Variants in CTNND2 observed in about 807,000 individuals in gnomAD.
The protein encoded by CTNND2 is catenin delta 2.
In CTNND2, 22 loss-of-function variants were observed where a neutral mutation model predicts 144.4. That is an observed-to-expected ratio of 0.15 (90% CI 0.11 to 0.22). The LOEUF (loss-of-function observed/expected upper bound fraction) is 0.22. Ranked by LOEUF, CTNND2 falls within the 10% of genes least tolerant of loss-of-function variation. CTNND2 has a pLI of 1.00. For missense variants in CTNND2, 1,353 were observed against 1,618.8 expected, an observed-to-expected ratio of 0.84 and a Z score of 2.82; for synonymous variants, 751 against 695.6, an observed-to-expected ratio of 1.08 and a Z score of -1.25.
chr5:11,543,225 T>C (rs755185871), intron 3 of CTNND2, among the ~76,000 whole-genome samples: 3 of 152,244 alleles, frequency 2.0e-5, no homozygotes, highest in Non-Finnish European at 2.9e-5. Flanking sequence ...GTCCAGGCTC[T>C]GCTACACTTC....
chr5:11,342,531 T>A (rs32130), intron 9 of CTNND2, among the ~76,000 whole-genome samples: 43,404 of 152,134 alleles, frequency 0.29, 6,439 homozygotes, highest in Admixed American at 0.35. Flanking sequence ...TCTTTAAGCA[T>A]GTTTGAAAAA....
At chr5:11,524,166 C>T (rs1231254040) in intron 3 of CTNND2, among the ~76,000 whole-genome samples, 1 of 152,060 alleles carries the variant, frequency 6.6e-6, no homozygotes, top group Non-Finnish European at 1.5e-5. Flanking sequence ...TCACTGCACC[C>T]CACACTTGCC....
intron 19 of CTNND2, among the ~76,000 whole-genome samples, chr5:10,990,522 C>T (rs977758402): frequency 1.3e-5 from 2 of 152,174 alleles, no homozygotes; most frequent in African/African-American, 4.8e-5. Flanking sequence ...CCTTTTGCCT[C>T]TGGGTCTTCC....
chr5:11,101,787 A>G (rs1428113652), intron 14 of CTNND2, among the ~76,000 whole-genome samples: 2 of 152,180 alleles, frequency 1.3e-5, no homozygotes, highest in Non-Finnish European at 2.9e-5. Context: ...AGAATTTTCT[A>G]TATAATAAAG....
chr5:11,765,398 C>A (rs925548667), intron 1 of CTNND2, among the ~76,000 whole-genome samples: 3 of 152,088 alleles, frequency 2.0e-5, no homozygotes, highest in African/African-American at 7.2e-5. Context: ...AGGTTCCAGG[C>A]TGCCAGGTGG....
At chr5:11,157,873 G>C (rs984087326) in intron 12 of CTNND2, among the ~76,000 whole-genome samples, 7 of 152,150 alleles carry the variant, frequency 4.6e-5, no homozygotes, top group Admixed American at 1.3e-4. Context: ...GACAGGGATG[G>C]GGAGTCATTC....
Position 11,367,253 on chromosome 5 carries a change from G to A in CTNND2, c.1178-2363C>T, listed in dbSNP as rs761063665. ...ATCAAGTTTTGATTGCTCAAGGGTG[G>A]GCACAGTTATTGGCAAGAGAGACAC... is the stretch of plus-strand genomic sequence containing the variant. On this transcript the variant is annotated intron_variant, in intron 7 of 21. Coordinates refer to ENST00000304623, the MANE Select transcript of CTNND2 (RefSeq NM_001332.4). Among the ~76,000 whole-genome samples the A allele has an allele frequency of 5.0e-4, 76 of 152,190 alleles. 1 individual carries two copies. Among genetic ancestry groups the A allele is most frequent in the South Asian group, 1.0e-3 (5 of 4,818 alleles).
intron 3 of CTNND2, among the ~76,000 whole-genome samples, chr5:11,514,249 C>CAT (rs1222993172): frequency 1.7e-4 from 26 of 151,804 alleles, no homozygotes; most frequent in Non-Finnish European, 2.8e-4. Flanking sequence ...TCAATATACA[C>CAT]ATATATATAT....
intron 1 of CTNND2, among the ~76,000 whole-genome samples, chr5:11,802,730 T>C (rs548165844): frequency 6.6e-6 from 1 of 152,374 alleles, no homozygotes; most frequent in Non-Finnish European, 1.5e-5. Context: ...ACTAATTTAC[T>C]GAACAATTTC....
intron 15 of CTNND2, among the ~76,000 whole-genome samples, chr5:11,089,799 C>T (rs1353288246): frequency 1.3e-5 from 2 of 152,174 alleles, no homozygotes; most frequent in African/African-American, 4.8e-5. Flanking sequence ...CACTTGAGGC[C>T]AGGAGTTCGA....
At position 11,657,433 on chromosome 5, in the gene CTNND2, C is replaced by T. The variant is rs140378287; in HGVS notation, c.174+74703G>A. ...TATTTAGCTATCTCTCTCTCTGTTT[C>T]CTTCCTTCTTCTTTCTCTCTCCTGT... is the stretch of plus-strand genomic sequence containing the variant. On this transcript the variant is annotated intron_variant, in intron 2 of 21. Transcript: ENST00000304623. Among the ~76,000 whole-genome samples, 379 of 152,070 alleles carry T rather than the reference C, an allele frequency of 2.5e-3. 2 individuals are homozygous for T. The highest frequency in any genetic ancestry group is 6.8e-3 in the Middle Eastern group (2 of 294).
chr5:11,370,372 G>T (rs1026396651), intron 7 of CTNND2, among the ~76,000 whole-genome samples: 2 of 152,066 alleles, frequency 1.3e-5, no homozygotes, highest in Admixed American at 6.6e-5. Context: ...CGAGCCTCCT[G>T]GTTCTAATGC....
chr5:11,303,231 T>G (rs753126185), intron 9 of CTNND2, among the ~76,000 whole-genome samples: 30 of 152,178 alleles, frequency 2.0e-4, no homozygotes, highest in Non-Finnish European at 4.4e-4. Context: ...ATAAATTCAG[T>G]CTCTGATGAG....
At chr5:11,645,886 T>C (rs888132184) in intron 2 of CTNND2, among the ~76,000 whole-genome samples, 2 of 152,210 alleles carry the variant, frequency 1.3e-5, no homozygotes, top group African/African-American at 4.8e-5. Context: ...GTTCAACTTT[T>C]AAACATAAAC....
chr5:11,195,575 G>A (rs16901390), intron 11 of CTNND2, among the ~76,000 whole-genome samples: 12,796 of 152,282 alleles, frequency 0.084, 1,255 homozygotes, highest in African/African-American at 0.24. Context: ...TAACTAAAAG[G>A]AAAGGCCATC....
chr5:11,869,332 T>A (rs11749945), intron 1 of CTNND2, among the ~76,000 whole-genome samples: 1 of 152,186 alleles, frequency 6.6e-6, no homozygotes, highest in Non-Finnish European at 1.5e-5. Context: ...CGAATGTCAA[T>A]TGATGGATGA....
chr5:11,820,512 G>T (rs1793253418), intron 1 of CTNND2, among the ~76,000 whole-genome samples: 1 of 152,136 alleles, frequency 6.6e-6, no homozygotes, highest in African/African-American at 2.4e-5. Flanking sequence ...TAACTCTATG[G>T]TGAATTAGTA....
intron 1 of CTNND2, among the ~76,000 whole-genome samples, chr5:11,757,369 A>C (rs1789010299): frequency 6.6e-6 from 1 of 151,854 alleles, no homozygotes; most frequent in Admixed American, 6.6e-5. Context: ...CTCTACAAAT[A>C]CTTTTTTCAT....
At chr5:11,447,106 G>A (rs781769638) in intron 3 of CTNND2, among the ~76,000 whole-genome samples, 1 of 152,062 alleles carries the variant, frequency 6.6e-6, no homozygotes, top group East Asian at 1.9e-4. Context: ...TCTGTCAGGC[G>A]GCTAAGGCGG....
Sources: gnomAD v4.1 joint callset for allele counts (sites outside exome capture counted in the v4.1 genomes callset) on GRCh38, gnomAD v4.1.1 for gene constraint, MANE v1.5 for transcripts, NCBI Gene and HGNC (gene_info 2026-07-23, HGNC 2026-07-21) for gene names.